Variants in COL4A5 observed in about 807,000 individuals in gnomAD.
COL4A5 encodes the protein collagen type IV alpha 5 chain.
COL4A5 carries 26 observed loss-of-function variants against 130.2 expected under a neutral mutation model. That is an observed-to-expected ratio of 0.20 (90% CI 0.15 to 0.28). The LOEUF (loss-of-function observed/expected upper bound fraction) is 0.28. COL4A5 is among the 10% of genes least tolerant of loss of function. The pLI is 1.00. For missense variants in COL4A5, 1,131 were observed against 1,344.3 expected (o/e 0.84, Z 2.48); for synonymous variants, 496 against 439.6 (o/e 1.13, Z -1.60).
chrX:108,445,984 G>C (rs902664078), intron 1 of COL4A5, among the ~76,000 whole-genome samples: 16 of 111,360 alleles, frequency 1.4e-4, no homozygotes, highest in Non-Finnish European at 3.0e-4. Context: ...ACAATGACTT[G>C]TAAGAGTACA....
intron 37 of COL4A5, among the ~76,000 whole-genome samples, chrX:108,661,188 C>A (rs2067952213): frequency 9.0e-6 from 1 of 111,377 alleles, no homozygotes; most frequent in African/African-American, 3.3e-5. Context: ...TAAAACATAC[C>A]CAGTTGTTAA....
At chrX:108,473,580 T>A (rs1482787743) in intron 1 of COL4A5, among the ~76,000 whole-genome samples, 1 of 89,370 alleles carries the variant, frequency 1.1e-5, no homozygotes, top group African/African-American at 4.0e-5. Flanking sequence ...GGTTATAGAA[T>A]AAGGATATAA....
intron 36 of COL4A5, among the ~76,000 whole-genome samples, chrX:108,631,391 C>T (rs2067256812): frequency 9.0e-6 from 1 of 110,804 alleles, no homozygotes; most frequent in Admixed American, 9.7e-5. Context: ...AGTTGTATTC[C>T]TAGGTATTTT....
chrX:108,538,694 A>G (rs1222443906), intron 1 of COL4A5, among the ~76,000 whole-genome samples: 2 of 112,074 alleles, frequency 1.8e-5, no homozygotes. Context: ...AGGTTTCAGT[A>G]ACTCAGTCTG....
At chrX:108,619,611 A>G (rs1019345686) in intron 30 of COL4A5, among the ~76,000 whole-genome samples, 2 of 111,914 alleles carry the variant, frequency 1.8e-5, no homozygotes, top group Non-Finnish European at 3.8e-5. Context: ...GAAACAAAAG[A>G]TGACAAAAAA....
intron 31 of COL4A5, 118 bp downstream of exon 31, chrX:108,620,544 T>G (rs2067021052): frequency 1.7e-6 from 1 of 594,254 alleles, no homozygotes; most frequent in Non-Finnish European, 2.7e-6. Flanking sequence ...AGGATGAGCA[T>G]TAAATATCTA....
intron 37 of COL4A5, among the ~76,000 whole-genome samples, chrX:108,655,898 G>T (rs1032776843): frequency 3.6e-5 from 4 of 112,596 alleles, no homozygotes; most frequent in African/African-American, 1.3e-4. Context: ...TCAAGTAAGA[G>T]ATTAGCACTA....
At chrX:108,653,481 A>G (rs958801825) in intron 36 of COL4A5, among the ~76,000 whole-genome samples, 3 of 111,110 alleles carry the variant, frequency 2.7e-5, no homozygotes, top group African/African-American at 6.6e-5. Flanking sequence ...TTCGAGAGGG[A>G]TGGAATGGGA....
chrX:108,696,671 C>A lies in COL4A5; in HGVS notation c.*293C>A. 5.8e-6 allele frequency: 1 copy of A among 173,692 alleles called. No individual in the cohort carries two copies. The highest frequency in any genetic ancestry group is 7.2e-5 in the Admixed American group (1 of 13,971). 14.3% of individuals were successfully genotyped at this position (173,692 alleles called of 1,213,427 possible). On this transcript the variant is annotated 3_prime_UTR_variant, in exon 53 of 53. Coordinates refer to ENST00000328300, the MANE Select transcript of COL4A5 (RefSeq NM_033380.3). ...TAAGATGAAAATTATATATTTTGCC[C>A]AGTTACTAAAATGGTACATTAAAAA...
At chrX:108,664,826 C>A in intron 37 of COL4A5, among the ~76,000 whole-genome samples, 1 of 111,816 alleles carries the variant, frequency 8.9e-6, no homozygotes, top group Non-Finnish European at 1.9e-5. Context: ...ATGTCGTTAG[C>A]CATCAGAGAA....
At chrX:108,625,618 T>C (rs2067138724) in intron 34 of COL4A5, 87 bp from the exon 35 acceptor site, 2 of 576,606 alleles carry the variant, frequency 3.5e-6, no homozygotes, top group Admixed American at 5.0e-5. Flanking sequence ...ATCCCATGTT[T>C]GCATTTTAAT....
At chrX:108,524,865 A>G (rs769045420) in intron 1 of COL4A5, among the ~76,000 whole-genome samples, 4 of 111,552 alleles carry the variant, frequency 3.6e-5, no homozygotes, top group Non-Finnish European at 7.6e-5. Context: ...GCTTTGTGTA[A>G]TTGCAATACT....
intron 30 of COL4A5, among the ~76,000 whole-genome samples, chrX:108,619,021 G>A (rs771577498): frequency 1.8e-5 from 2 of 111,089 alleles, no homozygotes; most frequent in Admixed American, 9.6e-5. Context: ...TATAACAATA[G>A]ATAGTGATCC....
chrX:108,689,750 G>T, intron 49 of COL4A5: 3 of 754,214 alleles, frequency 4.0e-6, no homozygotes, highest in Non-Finnish European at 4.7e-6. Flanking sequence ...ATTATAGGAT[G>T]TAAGAAAGAA....
chrX:108,586,646 T>C lies in COL4A5; in HGVS notation c.1064T>C (p.Ile355Thr). Residue 355 changes from isoleucine to threonine, a missense_variant, in exon 19 of 53, where the codon ATA becomes ACA. Transcript: ENST00000328300. ...VIPRPGTGIT[I>T]GEKGNIGLPG... is the part of the protein sequence containing the mutation. ...CCTAGACCTGGGACTGGTATAACTA[T>C]AGGAGAAAAAGGAAACATTGGGTTG... The C allele has an allele frequency of 5.0e-6, 6 of 1,207,203 alleles. No homozygotes were observed. Among genetic ancestry groups the C allele is most frequent in the Non-Finnish European group, 5.6e-6 (5 of 891,911 alleles).
intron 1 of COL4A5, among the ~76,000 whole-genome samples, chrX:108,484,222 T>C (rs893558680): frequency 8.0e-5 from 9 of 112,470 alleles, no homozygotes; most frequent in Admixed American, 7.6e-4. Context: ...TATGAATTCC[T>C]TCTCTGTGTT....
Position 108,439,868 on chromosome X carries a change from T to C in COL4A5, c.-258T>C. 2.6e-6 allele frequency: 1 copy of C among 390,758 alleles called. No homozygotes were observed. Among genetic ancestry groups the C allele is most frequent in the Non-Finnish European group, 4.4e-6 (1 of 224,779 alleles). 32.2% of individuals were successfully genotyped at this position (390,758 alleles called of 1,213,427 possible). A position where few individuals can be genotyped will look rare whatever the true frequency, so the allele number is the denominator to read the frequency against. On this transcript the variant is annotated 5_prime_UTR_variant, in exon 1 of 53. Coordinates refer to ENST00000328300, the MANE Select transcript of COL4A5 (RefSeq NM_033380.3). ...TGTAGGAATTGAGTGAAGAAAAAGT[T>C]TGCAAGTCTGGACAGAAGGGAAAAG... is the stretch of plus-strand genomic sequence containing the variant.
intron 16 of COL4A5, 199 bp from the exon 17 acceptor site, chrX:108,582,685 C>T: frequency 2.5e-6 from 1 of 395,255 alleles, no homozygotes. Context: ...GAGTTCTCAC[C>T]AAGATTCAGC....
At chrX:108,526,656 CTTTCTTCTTTCTTTCTCTTTCTTTCTT>C (rs1309581682) in intron 1 of COL4A5, among the ~76,000 whole-genome samples, 78 of 51,772 alleles carry the variant, frequency 1.5e-3, no homozygotes, top group East Asian at 8.3e-3. Flanking sequence ...TTCTTTCTTT[CTTTCTTCTTTCTTTCTCTTTCTTTCTT>C]TCTTTCTTTC....
Sources: gnomAD v4.1 joint callset for allele counts (sites outside exome capture counted in the v4.1 genomes callset) on GRCh38, gnomAD v4.1.1 for gene constraint, MANE v1.5 for transcripts, NCBI Gene and HGNC (gene_info 2026-07-23, HGNC 2026-07-21) for gene names.